ARFGAP1: variants seen among roughly 807,000 people sequenced by gnomAD.
ARFGAP1 encodes the protein ARF GTPase activating protein 1, also known as ADP-ribosylation factor GTPase-activating protein 1.
ARFGAP1 carries 26 observed loss-of-function variants against 54.0 expected under a neutral mutation model. The observed-to-expected ratio is 0.48, with a 90% CI of 0.35 to 0.67. The LOEUF (loss-of-function observed/expected upper bound fraction) is 0.67, where lower values mean the gene tolerates loss of function less well. ARFGAP1 is among the 30% of genes least tolerant of loss of function. ARFGAP1 has a pLI of 0.00. For missense variants in ARFGAP1, 525 were observed against 535.8 expected (o/e 0.98, Z 0.20); for synonymous variants, 248 against 211.9 (o/e 1.17, Z -1.48).
At chr20:63,287,429 T>C (rs2067587420) in intron 12 of ARFGAP1, 135 bp from the exon 13 acceptor site, 2 of 729,190 alleles carry the variant, frequency 2.7e-6, no homozygotes, top group Non-Finnish European at 4.2e-6. Context: ...TCCCACCTGG[T>C]GGGGCTGCTG....
In ARFGAP1 at chr20:63,272,914, C is replaced by T. The variant is rs533993832; in HGVS notation, c.-11C>T. On this transcript the variant is annotated 5_prime_UTR_variant, in exon 1 of 13. Transcript: ENST00000370283. ...ACCCCGGCGGCCCTGCCCGCCCCTC[C>T]CTCCAGGTAAGCGCGCGGCTCGGCG... The T allele has an allele frequency of 2.6e-5, 4 of 152,266 alleles. 1 individual carries two copies. In the East Asian group the frequency reaches 5.8e-4, roughly 22 times the overall value. 9.4% of individuals were successfully genotyped at this position (152,266 alleles called of 1,614,324 possible).
chr20:63,283,640 G>A, intron 9 of ARFGAP1: 1 of 487,388 alleles, frequency 2.1e-6, no homozygotes, highest in Non-Finnish European at 3.6e-6. Context: ...GGGCCTCCCA[G>A]GGTCCTGAGG....
intron 11 of ARFGAP1, 68 bp from the exon 12 acceptor site, chr20:63,286,298 T>TG: frequency 1.2e-6 from 2 of 1,602,014 alleles, no homozygotes; most frequent in Non-Finnish European, 8.5e-7. Context: ...GGCTTGCGTG[T>TG]GGGGGCCTCC....
At chr20:63,282,096 C>T (rs1342489294) in intron 8 of ARFGAP1, among the ~76,000 whole-genome samples, 1 of 151,474 alleles carries the variant, frequency 6.6e-6, no homozygotes, top group Non-Finnish European at 1.5e-5. Context: ...GTGTCTTCCC[C>T]CGTCACAGCG....
At chr20:63,279,027 T>C (rs1354159190) in intron 7 of ARFGAP1, 32 bp downstream of exon 7, 1 of 1,608,276 alleles carries the variant, frequency 6.2e-7, no homozygotes, top group Non-Finnish European at 8.5e-7. Context: ...GCATCTCCCA[T>C]GGGCAGACCC....
At chr20:63,285,800 G>C in intron 11 of ARFGAP1, 87 bp downstream of exon 11, 1 of 1,555,008 alleles carries the variant, frequency 6.4e-7, no homozygotes, top group South Asian at 1.1e-5. Context: ...TGTGCCCCGT[G>C]CAGCCCTCAG....
chr20:63,279,395 G>C, intron 7 of ARFGAP1: 1 of 350,206 alleles, frequency 2.9e-6, no homozygotes, highest in Non-Finnish European at 5.5e-6. Flanking sequence ...TAGTAGAGAT[G>C]GGTTTTCACC....
intron 11 of ARFGAP1, chr20:63,286,112 C>A (rs374508899): frequency 7.7e-6 from 12 of 1,550,118 alleles, no homozygotes; most frequent in Non-Finnish European, 6.1e-6. Context: ...GCTCCTCCCC[C>A]CCAAGCATGT....
rs1051141738 is a variant in ARFGAP1 at position 63,288,768 on chromosome 20, C to T, written c.*895C>T. 1 of 343,488 alleles carries T rather than the reference C, an allele frequency of 2.9e-6. No individual in the cohort carries two copies. The highest frequency in any genetic ancestry group is 5.8e-6 in the Non-Finnish European group (1 of 172,366). 21.3% of individuals were successfully genotyped at this position (343,488 alleles called of 1,614,324 possible). ...CTGCCCTGCACACCGGTGCCCGCCACATGCCAACCCTCACCTCCCCGAGGA... is the reference window on the plus strand; with the variant it reads ...CTGCCCTGCACACCGGTGCCCGCCATATGCCAACCCTCACCTCCCCGAGGA... On this transcript the variant is annotated 3_prime_UTR_variant, in exon 13 of 13. Coordinates refer to ENST00000370283, the MANE Select transcript of ARFGAP1 (RefSeq NM_018209.4).
intron 9 of ARFGAP1, chr20:63,284,646 A>G (rs1262337686): frequency 7.2e-7 from 1 of 1,394,762 alleles, no homozygotes; most frequent in African/African-American, 1.5e-5. Flanking sequence ...TTCCTGCAAG[A>G]ATTGGTGGGG....
intron 11 of ARFGAP1, 162 bp from the exon 12 acceptor site, chr20:63,286,204 G>A (rs1204706044): frequency 3.2e-6 from 5 of 1,549,148 alleles, no homozygotes; most frequent in East Asian, 2.4e-5. Flanking sequence ...CAGAGTGGCC[G>A]GGGCGTCTGT....
chr20:63,284,563 A>G (rs1481527687), intron 9 of ARFGAP1: 6 of 1,262,160 alleles, frequency 4.8e-6, no homozygotes, highest in East Asian at 3.9e-5. Flanking sequence ...CAGGCTCCAC[A>G]GGGCCTGTTC....
At chr20:63,282,739 C>G in intron 8 of ARFGAP1, 80 bp from the exon 9 acceptor site, 1 of 1,494,170 alleles carries the variant, frequency 6.7e-7, no homozygotes, top group Non-Finnish European at 9.3e-7. Flanking sequence ...AGTCCTGGAC[C>G]TGAGTCTGTG....
intron 9 of ARFGAP1, chr20:63,283,959 G>A: frequency 1.3e-6 from 2 of 1,592,362 alleles, no homozygotes; most frequent in Admixed American, 3.4e-5. Context: ...CCTCCTGCGT[G>A]CTGCCACTGT....
chr20:63,274,778 T>A (rs542047150), intron 1 of ARFGAP1, among the ~76,000 whole-genome samples: 1 of 152,314 alleles, frequency 6.6e-6, no homozygotes. Context: ...GAATCTTAAC[T>A]ATATCAATTT....
intron 11 of ARFGAP1, 65 bp downstream of exon 11, chr20:63,285,778 G>A (rs577604516): frequency 3.6e-5 from 57 of 1,582,108 alleles, no homozygotes; most frequent in Middle Eastern, 3.3e-4. Context: ...GGCCCTGGGC[G>A]TGAGAGCAGG....
intron 9 of ARFGAP1, 23 bp downstream of exon 9, chr20:63,282,874 A>AC: frequency 6.2e-7 from 1 of 1,613,650 alleles, no homozygotes; most frequent in East Asian, 2.2e-5. Flanking sequence ...AAGCTTCTGC[A>AC]CCCTGGTGCA....
chr20:63,281,393 G>A lies in ARFGAP1; in HGVS notation c.684+46G>A, dbSNP rs372002751. On this transcript the variant is annotated intron_variant, in intron 8 of 12. Coordinates refer to ENST00000370283, the MANE Select transcript of ARFGAP1 (RefSeq NM_018209.4). ...TGCCACCGTCCCCACCAGGCCCTCG[G>A]GACACTGGCTGCTGCTGGCCTGGGG... 1.4e-3 allele frequency: 2,221 copies of A among 1,558,668 alleles called. 2 individuals are homozygous for A. The highest frequency in any genetic ancestry group is 1.8e-3 in the Non-Finnish European group (2,058 of 1,156,046).
intron 11 of ARFGAP1, 30 bp from the exon 12 acceptor site, chr20:63,286,335 CT>C (rs1568744593): frequency 1.2e-6 from 2 of 1,610,618 alleles, no homozygotes. Flanking sequence ...GCGACAGGGC[CT>C]GCCTAACCTC....
Sources: allele counts gnomAD v4.1 joint callset (sites outside exome capture counted in the v4.1 genomes callset), GRCh38; gene constraint gnomAD v4.1.1; transcripts MANE v1.5; gene names NCBI Gene and HGNC (gene_info 2026-07-23, HGNC 2026-07-21).